The following GABRR2 variants were observed in gnomAD, a reference collection of about 807,000 sequenced individuals.
GABRR2 encodes gamma-aminobutyric acid type A receptor subunit rho2.
In GABRR2, 36 loss-of-function variants were observed where a neutral mutation model predicts 47.0. The observed-to-expected ratio is 0.77, with a 90% CI of 0.59 to 1.01. GABRR2 has a LOEUF of 1.01. Ranked by LOEUF, GABRR2 falls within the 50% of genes least tolerant of loss-of-function variation. The pLI, the probability that GABRR2 is intolerant of heterozygous loss-of-function variation, is 0.00. For missense variants in GABRR2, 587 were observed against 594.6 expected (o/e 0.99, Z 0.13); for synonymous variants, 204 against 227.5 (o/e 0.90, Z 0.93).
At chr6:89,260,032 C>T (rs539200224) in intron 8 of GABRR2, among the ~76,000 whole-genome samples, 7 of 151,346 alleles carry the variant, frequency 4.6e-5, no homozygotes, top group African/African-American at 9.7e-5. Flanking sequence ...CTCAACCTCC[C>T]GAGTAGCTGG....
At chr6:89,314,409 T>C (rs565474082) in intron 1 of GABRR2, among the ~76,000 whole-genome samples, 1 of 152,314 alleles carries the variant, frequency 6.6e-6, no homozygotes, top group African/African-American at 2.4e-5. Flanking sequence ...GAACTTAGAT[T>C]TGTAATGTAA....
intron 1 of GABRR2, chr6:89,302,965 G>A (rs1767483391): frequency 7.8e-7 from 1 of 1,289,484 alleles, no homozygotes; most frequent in South Asian, 1.2e-5. Context: ...CATGGGCAAG[G>A]GCATGGACGA....
chr6:89,301,830 C>A (rs1252430916), intron 1 of GABRR2: 1 of 1,034,948 alleles, frequency 9.7e-7, no homozygotes, highest in Non-Finnish European at 1.5e-6. Flanking sequence ...GCAACTAGAT[C>A]GGGGCCAAGT....
At chr6:89,311,133 C>T (rs971196768) in intron 1 of GABRR2, among the ~76,000 whole-genome samples, 5 of 152,270 alleles carry the variant, frequency 3.3e-5, no homozygotes, top group South Asian at 2.1e-4. Context: ...GGGCAGTGAC[C>T]GTGTGAGGTG....
chr6:89,270,476 T>C, intron 3 of GABRR2: 1 of 152,366 alleles, frequency 6.6e-6, no homozygotes, highest in Non-Finnish European at 1.5e-5. Context: ...AGCCAGGCTG[T>C]TCTAGACACA....
At chr6:89,298,938 G>A (rs961358530) in intron 2 of GABRR2, among the ~76,000 whole-genome samples, 3 of 152,142 alleles carry the variant, frequency 2.0e-5, no homozygotes, top group Non-Finnish European at 4.4e-5. Flanking sequence ...AGAAGGCACC[G>A]TCTATGAACA....
At chr6:89,307,734 A>G (rs1767593835) in intron 1 of GABRR2, among the ~76,000 whole-genome samples, 1 of 151,990 alleles carries the variant, frequency 6.6e-6, no homozygotes, top group Admixed American at 6.6e-5. Context: ...TTAGAAATCA[A>G]TGGAGATTTG....
chr6:89,305,633 C>A (rs2127849497), intron 1 of GABRR2, among the ~76,000 whole-genome samples: 1 of 152,144 alleles, frequency 6.6e-6, no homozygotes, highest in East Asian at 1.9e-4. Flanking sequence ...CACACACACA[C>A]ACACACAAAA....
intron 2 of GABRR2, among the ~76,000 whole-genome samples, chr6:89,292,429 G>T (rs1216539092): frequency 7.4e-5 from 1 of 13,452 alleles, no homozygotes; most frequent in Non-Finnish European, 1.3e-4. Context: ...TCGTATCTCT[G>T]ATATATATAT....
intron 2 of GABRR2, among the ~76,000 whole-genome samples, chr6:89,285,524 C>A (rs1774319317): frequency 6.6e-6 from 1 of 152,106 alleles, no homozygotes; most frequent in Admixed American, 6.5e-5. Flanking sequence ...TGGCTCCTCC[C>A]TCCAGAGCAG....
intron 8 of GABRR2, among the ~76,000 whole-genome samples, chr6:89,261,995 T>A (rs1346244602): frequency 6.6e-6 from 1 of 150,718 alleles, no homozygotes; most frequent in Non-Finnish European, 1.5e-5. Context: ...AACCACTGCA[T>A]TCCAGCCTGG....
At position 89,315,294 on chromosome 6, in the gene GABRR2, C is replaced by A; in HGVS notation, c.-129G>T. On this transcript the variant is annotated 5_prime_UTR_variant, in exon 1 of 9. Coordinates refer to ENST00000402938, the MANE Select transcript of GABRR2 (RefSeq NM_002043.5). Reference sequence around the variant, plus strand: ...GCTCTGAGGGGCTGTGAGGGCAAGGCTGGCCAGGCTAGTTGTCCCGATTTA... The same window carrying A: ...GCTCTGAGGGGCTGTGAGGGCAAGGATGGCCAGGCTAGTTGTCCCGATTTA... 6.4e-7 allele frequency: 1 copy of A among 1,554,462 alleles called. No homozygotes were observed. The highest frequency in any genetic ancestry group is 1.9e-5 in the Admixed American group (1 of 53,622).
At chr6:89,266,705 C>T (rs1159732879) in intron 6 of GABRR2, among the ~76,000 whole-genome samples, 3 of 152,186 alleles carry the variant, frequency 2.0e-5, no homozygotes, top group African/African-American at 7.2e-5. Flanking sequence ...CAACCATCAC[C>T]ACTATTCATT....
rs1266657015 is a variant in GABRR2, at chr6:89,257,761, T to C, written c.1307A>G (p.Gln436Arg). Reference sequence around the variant, plus strand: ...GTATTTGTCAATGGCATGGGTATTCTGGAAGATACGAAAACCCGTCTGGCC... The same window carrying C: ...GTATTTGTCAATGGCATGGGTATTCCGGAAGATACGAAAACCCGTCTGGCC... ...LKGQTGFRIF[Q>R]NTHAIDKYSR... Residue 436 changes from glutamine (Q) to arginine (R), a missense_variant, in exon 9 of 9, where the codon CAG (glutamine) becomes CGG (arginine). Coordinates refer to ENST00000402938, the MANE Select transcript of GABRR2 (RefSeq NM_002043.5). The C allele has an allele frequency of 6.2e-7, 1 of 1,613,876 alleles. No homozygotes were observed. The highest frequency in any genetic ancestry group is 2.2e-5 in the East Asian group (1 of 44,904).
chr6:89,281,980 GC>G (rs1774260809), intron 2 of GABRR2, among the ~76,000 whole-genome samples: 1 of 152,138 alleles, frequency 6.6e-6, no homozygotes, highest in African/African-American at 2.4e-5. Flanking sequence ...AGGCTGTCAT[GC>G]CCCTCTCTGA....
intron 2 of GABRR2, among the ~76,000 whole-genome samples, chr6:89,290,912 C>T (rs1774429089): frequency 6.6e-6 from 1 of 152,172 alleles, no homozygotes; most frequent in South Asian, 2.1e-4. Context: ...CCTGGCCTGG[C>T]AATGGCTCCA....
At chr6:89,291,615 T>G (rs746882219) in intron 2 of GABRR2, among the ~76,000 whole-genome samples, 1 of 152,112 alleles carries the variant, frequency 6.6e-6, no homozygotes, top group Non-Finnish European at 1.5e-5. Context: ...TCCTTCCAGA[T>G]TCACTGCAGG....
At chr6:89,299,464 C>T (rs887854532) in intron 2 of GABRR2, among the ~76,000 whole-genome samples, 1 of 152,180 alleles carries the variant, frequency 6.6e-6, no homozygotes, top group African/African-American at 2.4e-5. Flanking sequence ...TCCTGATTCT[C>T]CTTGCCTGCT....
chr6:89,290,878 C>T (rs1235795661), intron 2 of GABRR2, among the ~76,000 whole-genome samples: 2 of 152,166 alleles, frequency 1.3e-5, no homozygotes, highest in African/African-American at 2.4e-5. Flanking sequence ...GCTCAGGTAA[C>T]TGCTTCCTCC....
Sources: allele counts gnomAD v4.1 joint callset (sites outside exome capture counted in the v4.1 genomes callset), GRCh38; gene constraint gnomAD v4.1.1; transcripts MANE v1.5; gene names NCBI Gene and HGNC (gene_info 2026-07-23, HGNC 2026-07-21).